The following ATXN10 variants were observed in gnomAD, a reference collection of about 807,000 sequenced individuals.
The protein encoded by ATXN10 is ataxin 10.
Under a neutral mutation model 52.9 loss-of-function variants are expected in ATXN10, and 28 were observed. That is an observed-to-expected ratio of 0.53 (90% CI 0.39 to 0.73). The LOEUF is 0.73. ATXN10 is among the 30% of genes least tolerant of loss of function. The pLI is 0.00. For synonymous variants in ATXN10, 226 were observed against 221.5 expected (o/e 1.02, Z -0.18); for missense variants, 565 against 577.0 (o/e 0.98, Z 0.21).
chr22:45,690,797 A>C lies in ATXN10; in HGVS notation c.308+894A>C, dbSNP rs1486559824. ...TTTACGTGTTACCGTCTCCTCCCAG[A>C]ACACAGCATCTTTCTTCTTTGATTT... On this transcript the variant is annotated intron_variant, in intron 2 of 11. Transcript: ENST00000252934. This position sits in a 1 kb window ranked among gnomAD's most constrained non-coding sequence, Gnocchi z 4.5. Among the ~76,000 whole-genome samples the C allele has an allele frequency of 6.6e-6, 1 of 152,188 alleles. No individual in the cohort carries two copies. The highest frequency in any genetic ancestry group is 6.5e-5 in the Admixed American group (1 of 15,280).
chr22:45,799,486 A>G (rs1257222729), intron 9 of ATXN10, among the ~76,000 whole-genome samples: 2 of 152,156 alleles, frequency 1.3e-5, no homozygotes, highest in East Asian at 1.9e-4. Context: ...AAAAGGGGAA[A>G]TTGGGCACAG....
intron 5 of ATXN10, among the ~76,000 whole-genome samples, chr22:45,704,568 G>T (rs936370948): frequency 6.6e-6 from 1 of 151,934 alleles, no homozygotes; most frequent in Admixed American, 6.6e-5. Flanking sequence ...TTTCATTTTT[G>T]GATTGTTCAT....
chr22:45,706,335 G>A (rs1924040948), intron 5 of ATXN10, among the ~76,000 whole-genome samples: 1 of 152,052 alleles, frequency 6.6e-6, no homozygotes, highest in African/African-American at 2.4e-5. Flanking sequence ...TAGAGTTTTT[G>A]CTCTTTTCGG....
chr22:45,813,806 T>C (rs1156774896), intron 10 of ATXN10, among the ~76,000 whole-genome samples: 2 of 152,246 alleles, frequency 1.3e-5, no homozygotes, highest in Admixed American at 6.5e-5. Context: ...ACAAATATCC[T>C]ATGTAGCTAT....
rs1927428257 is a variant in ATXN10, at chr22:45,789,366, A to G, written c.1174-17593A>G. Among the ~76,000 whole-genome samples, 1 of 152,122 alleles carries G rather than the reference A, an allele frequency of 6.6e-6. No homozygotes were observed. Among genetic ancestry groups the G allele is most frequent in the Non-Finnish European group, 1.5e-5 (1 of 68,026 alleles). On this transcript the variant is annotated intron_variant, in intron 9 of 11. Transcript: ENST00000252934. The surrounding 1 kb of genome is among the most constrained non-coding windows in gnomAD (Gnocchi z 4.0). ...GTGAGCTTTTGCTTCTCACGCGCATATATTTTTTTTCCGCAAATCATTGTT... is the reference window on the plus strand; with the variant it reads ...GTGAGCTTTTGCTTCTCACGCGCATGTATTTTTTTTCCGCAAATCATTGTT...
At position 45,712,123 on chromosome 22, in the gene ATXN10, A is replaced by G. The variant is rs926624165; in HGVS notation, c.648-6290A>G. ...ATGCAAGTGGCTCTTTTTGGGTCAC[A>G]TTGTCATCCCTGGGGCAGTGCTGTT... On this transcript the variant is annotated intron_variant, in intron 5 of 11. Transcript: ENST00000252934. This position sits in a 1 kb window ranked among gnomAD's most constrained non-coding sequence, Gnocchi z 4.6. 3.3e-5 allele frequency among the ~76,000 whole-genome samples: 5 copies of G among 152,178 alleles called. No homozygotes were observed. Among genetic ancestry groups the G allele is most frequent in the South Asian group, 2.1e-4 (1 of 4,830 alleles).
intron 9 of ATXN10, among the ~76,000 whole-genome samples, chr22:45,742,938 G>A (rs1396836443): frequency 6.6e-6 from 1 of 152,228 alleles, no homozygotes; most frequent in Non-Finnish European, 1.5e-5. Flanking sequence ...GAGCACAAAA[G>A]AGGTGGTTTT....
intron 1 of ATXN10, chr22:45,679,019 T>G (rs1417529034): frequency 2.6e-5 from 4 of 152,248 alleles, no homozygotes; most frequent in Non-Finnish European, 5.9e-5. Flanking sequence ...TTATACACAC[T>G]CTTCATTTTC....
At position 45,681,687 on chromosome 22, in the gene ATXN10, C is replaced by T. The variant is rs115539724; in HGVS notation, c.117-8025C>T. ...ACAAGGCTAGAGAAAAACATACAGC[C>T]GTGCAGACTGCTCTCACTTTAACTT... is the stretch of plus-strand genomic sequence containing the variant. On this transcript the variant is annotated intron_variant, in intron 1 of 11. Coordinates refer to ENST00000252934, the MANE Select transcript of ATXN10 (RefSeq NM_013236.4). The surrounding 1 kb of genome is among the most constrained non-coding windows in gnomAD (Gnocchi z 4.2). Among the ~76,000 whole-genome samples, 2,003 of 152,318 alleles carry T rather than the reference C, an allele frequency of 0.013. 42 individuals are homozygous for T. The highest frequency in any genetic ancestry group is 0.046 in the African/African-American group (1,900 of 41,560).
Position 45,712,736 on chromosome 22 carries a change from C to G in ATXN10, c.648-5677C>G, listed in dbSNP as rs1026309114. ...TTTTCTTCTAGTAGAGGAAGCATCG[C>G]CATTGAATCAGTGGACTGTTATTTT... On this transcript the variant is annotated intron_variant, in intron 5 of 11. Coordinates refer to ENST00000252934, the MANE Select transcript of ATXN10 (RefSeq NM_013236.4). This position sits in a 1 kb window ranked among gnomAD's most constrained non-coding sequence, Gnocchi z 4.6. Among the ~76,000 whole-genome samples the G allele has an allele frequency of 3.3e-5, 5 of 152,144 alleles. No individual in the cohort carries two copies. The highest frequency in any genetic ancestry group is 1.2e-4 in the African/African-American group (5 of 41,418).
intron 10 of ATXN10, among the ~76,000 whole-genome samples, chr22:45,812,366 T>C (rs1206077113): frequency 1.3e-5 from 2 of 152,192 alleles, no homozygotes; most frequent in Non-Finnish European, 2.9e-5. Context: ...CCAAAAAATA[T>C]TTCTTAGATA....
chr22:45,814,506 A>C (rs1928392884), intron 10 of ATXN10, among the ~76,000 whole-genome samples: 1 of 152,220 alleles, frequency 6.6e-6, no homozygotes, highest in Non-Finnish European at 1.5e-5. Context: ...GAACTAATAC[A>C]TGATGGTGGG....
At chr22:45,730,028 AT>A (rs1405515736) in intron 7 of ATXN10, among the ~76,000 whole-genome samples, 2 of 152,172 alleles carry the variant, frequency 1.3e-5, no homozygotes, top group Non-Finnish European at 2.9e-5. Flanking sequence ...TAAATAATAC[AT>A]TGTAAATGTC....
Position 45,757,913 on chromosome 22 carries a change from C to T in ATXN10, c.1173+17375C>T, listed in dbSNP as rs993583882. ...TTTATAAAATTGGCATTTATTGGAC[C>T]TCTGCTGTGGATACTATTTACTTCT... On this transcript the variant is annotated intron_variant, in intron 9 of 11. Coordinates refer to ENST00000252934, the MANE Select transcript of ATXN10 (RefSeq NM_013236.4). This position sits in a 1 kb window ranked among gnomAD's most constrained non-coding sequence, Gnocchi z 4.6. Among the ~76,000 whole-genome samples, 1 of 152,152 alleles carries T rather than the reference C, an allele frequency of 6.6e-6. No homozygotes were observed. Among genetic ancestry groups the T allele is most frequent in the Non-Finnish European group, 1.5e-5 (1 of 68,032 alleles).
In ATXN10 at chr22:45,762,460, T is replaced by C. The variant is rs1926429651; in HGVS notation, c.1173+21922T>C. Among the ~76,000 whole-genome samples, 1 of 152,200 alleles carries C rather than the reference T, an allele frequency of 6.6e-6. No homozygotes were observed. Among genetic ancestry groups the C allele is most frequent in the African/African-American group, 2.4e-5 (1 of 41,444 alleles). On this transcript the variant is annotated intron_variant, in intron 9 of 11. Transcript: ENST00000252934. This position sits in a 1 kb window ranked among gnomAD's most constrained non-coding sequence, Gnocchi z 4.3. The stretch of plus-strand genomic sequence containing the variant: ...TTCTTTCCACGGTGCATGTTCTGGC[T>C]GAGTGTTGGTGGGCTCCACCCTAGC...
chr22:45,699,514 C>T (rs1923754860), intron 3 of ATXN10, among the ~76,000 whole-genome samples: 1 of 105,762 alleles, frequency 9.5e-6, no homozygotes, highest in Admixed American at 1.3e-4. Flanking sequence ...TTTTTTGAGA[C>T]AGGGTCTGGG....
rs1247977753 is a variant in ATXN10, at chr22:45,729,549, A to G, written c.853A>G (p.Thr285Ala). 1.9e-6 allele frequency: 3 copies of G among 1,614,060 alleles called. No homozygotes were observed. The highest frequency in any genetic ancestry group is 4.5e-5 in the East Asian group (2 of 44,886). ...IASTFVDQCK[T>A]VLKLASEEPP... ...AAGCACCTTTGTGGATCAGTGCAAG[A>G]CTGTGCTCAAGCTGGCCTCTGAGGA... Residue 285 changes from threonine to alanine, a missense_variant, in exon 7 of 12, where the codon ACT becomes GCT. Physicochemically the swap from Thr to Ala is moderately conservative, Grantham distance 58 (BLOSUM62 0). Coordinates refer to ENST00000252934, the MANE Select transcript of ATXN10 (RefSeq NM_013236.4).
chr22:45,727,128 ATC>A lies in ATXN10; in HGVS notation c.729-2293_729-2292del, dbSNP rs370880226. Among the ~76,000 whole-genome samples the A allele has an allele frequency of 1.1e-3, 174 of 152,216 alleles. No individual in the cohort carries two copies. The highest frequency in any genetic ancestry group is 3.9e-3 in the African/African-American group (163 of 41,530). On this transcript the variant is annotated intron_variant, in intron 6 of 11. Coordinates refer to ENST00000252934, the MANE Select transcript of ATXN10 (RefSeq NM_013236.4). The surrounding 1 kb of genome is among the most constrained non-coding windows in gnomAD (Gnocchi z 4.6). ...TATCCCAGAAGTTTTGATAAATTAT[ATC>A]TCTGTTATCATTTATTTTGAATAAC...
rs1319220231 is a variant in ATXN10, at chr22:45,844,177, T to G, written c.*506T>G. ...AAACATTGACAAGACTCATTTCCAGTTAATTAATTCGAGAACCCTCCCTCT... is the reference window on the plus strand; with the variant it reads ...AAACATTGACAAGACTCATTTCCAGGTAATTAATTCGAGAACCCTCCCTCT... On this transcript the variant is annotated 3_prime_UTR_variant, in exon 12 of 12. Transcript: ENST00000252934. The G allele has an allele frequency of 6.0e-6, 1 of 165,972 alleles. No individual in the cohort carries two copies. Among genetic ancestry groups the G allele is most frequent in the East Asian group, 1.7e-4 (1 of 5,810 alleles). 10.3% of individuals were successfully genotyped at this position (165,972 alleles called of 1,614,324 possible).
Sources: gnomAD v4.1 joint callset for allele counts (sites outside exome capture counted in the v4.1 genomes callset) on GRCh38, gnomAD v4.1.1 for gene constraint, Gnocchi (gnomAD v3.1) non-coding constraint, MANE v1.5 for transcripts, NCBI Gene and HGNC (gene_info 2026-07-23, HGNC 2026-07-21) for gene names.